SCAPER: variants seen among roughly 807,000 people sequenced by gnomAD.
SCAPER encodes S-phase cyclin A associated protein in the ER.
Under a neutral mutation model 182.2 loss-of-function variants are expected in SCAPER, and 98 were observed. The ratio of observed to expected loss-of-function variants is 0.54; its 90% CI spans 0.46 to 0.64. The LOEUF (loss-of-function observed/expected upper bound fraction) is 0.64. SCAPER is among the 30% of genes least tolerant of loss of function. The probability of loss-of-function intolerance (pLI) is 0.00; values close to 1 mark genes in which losing one functional copy is unlikely to be tolerated. For missense variants in SCAPER, 1,432 were observed against 1,690.0 expected, an observed-to-expected ratio of 0.85 and a Z score of 2.68; for synonymous variants, 605 against 564.6, an observed-to-expected ratio of 1.07 and a Z score of -1.01.
intron 26 of SCAPER, among the ~76,000 whole-genome samples, chr15:76,426,420 A>G (rs1377792049): frequency 6.6e-6 from 1 of 152,182 alleles, no homozygotes; most frequent in Non-Finnish European, 1.5e-5. Flanking sequence ...GGTGCGGGAT[A>G]TAATCTCCTG....
intron 15 of SCAPER, 116 bp downstream of exon 15, chr15:76,753,692 C>T: frequency 8.5e-7 from 1 of 1,175,722 alleles, no homozygotes; most frequent in Non-Finnish European, 1.2e-6. Context: ...GTGTAAAATG[C>T]TGTTATTCTA....
chr15:76,730,288 T>C (rs993623406), intron 16 of SCAPER, among the ~76,000 whole-genome samples: 1 of 147,406 alleles, frequency 6.8e-6, no homozygotes, highest in Non-Finnish European at 1.5e-5. Context: ...TATTTCTTTC[T>C]TTTTTTTTTG....
At chr15:76,579,130 G>A (rs980264974) in intron 22 of SCAPER, among the ~76,000 whole-genome samples, 2 of 151,904 alleles carry the variant, frequency 1.3e-5, no homozygotes, top group South Asian at 2.1e-4. Flanking sequence ...GCTGGGCATG[G>A]TGGCGGGTGC....
chr15:76,581,573 A>G lies in SCAPER; in HGVS notation c.2712-7289T>C, dbSNP rs147373274. ...GGACAAAAACGATATAATCATTTCA[A>G]TTGATGCTGAAAAAGCATTTATTTT... On this transcript the variant is annotated intron_variant, in intron 22 of 31. Coordinates refer to ENST00000563290, the MANE Select transcript of SCAPER (RefSeq NM_020843.4). Among the ~76,000 whole-genome samples, 230 of 152,288 alleles carry G rather than the reference A, an allele frequency of 1.5e-3. 2 individuals are homozygous for G. The highest frequency in any genetic ancestry group is 5.0e-3 in the African/African-American group (209 of 41,572).
chr15:76,534,650 AT>A (rs1166108443), intron 23 of SCAPER, among the ~76,000 whole-genome samples: 5 of 152,154 alleles, frequency 3.3e-5, no homozygotes, highest in African/African-American at 1.2e-4. Context: ...CATTTCCTCT[AT>A]TCTATGGGAG....
At chr15:76,680,254 C>T (rs1180216113) in intron 20 of SCAPER, among the ~76,000 whole-genome samples, 1 of 151,850 alleles carries the variant, frequency 6.6e-6, no homozygotes, top group Non-Finnish European at 1.5e-5. Context: ...TGCAAATATA[C>T]AATACATAGG....
intron 23 of SCAPER, among the ~76,000 whole-genome samples, chr15:76,572,944 C>G (rs1402099231): frequency 1.3e-5 from 2 of 151,552 alleles, no homozygotes; most frequent in African/African-American, 4.8e-5. Flanking sequence ...CACACACACA[C>G]AGAGAAATGT....
intron 29 of SCAPER, among the ~76,000 whole-genome samples, chr15:76,362,173 A>G (rs2041470648): frequency 6.6e-6 from 1 of 151,992 alleles, no homozygotes; most frequent in Admixed American, 6.6e-5. Context: ...GGGTTTCACC[A>G]TGTTGGCCAG....
In SCAPER at chr15:76,887,970, AGCAATATTTGCTGTTCT is replaced by A. The variant is rs1167460424; in HGVS notation, c.-59-4111_-59-4095del. Reference sequence around the variant, plus strand: ...CAAAGCTTCCAGAGGAGGGTCAGGCAGCAATATTTGCTGTTCTGCAATATTTGCTGTTCTGCAGCCTC... The same window carrying A: ...CAAAGCTTCCAGAGGAGGGTCAGGCAGCAATATTTGCTGTTCTGCAGCCTC... On this transcript the variant is annotated intron_variant, in intron 1 of 31. Transcript: ENST00000563290. 3.3e-5 allele frequency among the ~76,000 whole-genome samples: 5 copies of A among 152,346 alleles called. No homozygotes were observed. In the East Asian group the frequency reaches 7.7e-4, roughly 24 times the overall value.
chr15:76,352,224 C>T (rs2040603430), intron 30 of SCAPER, among the ~76,000 whole-genome samples: 1 of 152,176 alleles, frequency 6.6e-6, no homozygotes, highest in South Asian at 2.1e-4. Flanking sequence ...CTTTTCTCCA[C>T]AGCACTTATT....
chr15:76,381,959 G>C lies in SCAPER; in HGVS notation c.3468-344C>G, dbSNP rs144797564. Among the ~76,000 whole-genome samples the C allele has an allele frequency of 4.7e-3, 723 of 152,236 alleles. 7 individuals carry two copies. The highest frequency in any genetic ancestry group is 0.017 in the African/African-American group (697 of 41,522). Reference sequence around the variant, plus strand: ...GTTGACAGAGTCTGTGAAAGCTTTTGGGACTCAGAGGCCAAAAACACTCCT... The same window carrying C: ...GTTGACAGAGTCTGTGAAAGCTTTTCGGACTCAGAGGCCAAAAACACTCCT... On this transcript the variant is annotated intron_variant, in intron 27 of 31. Coordinates refer to ENST00000563290, the MANE Select transcript of SCAPER (RefSeq NM_020843.4).
intron 21 of SCAPER, among the ~76,000 whole-genome samples, chr15:76,651,639 A>C (rs2055050654): frequency 6.6e-6 from 1 of 151,756 alleles, no homozygotes; most frequent in South Asian, 2.1e-4. Flanking sequence ...CAAAAAAAAA[A>C]AAAAAAACCC....
At chr15:76,565,898 T>C (rs1334404935) in intron 23 of SCAPER, among the ~76,000 whole-genome samples, 1 of 152,160 alleles carries the variant, frequency 6.6e-6, no homozygotes, top group African/African-American at 2.4e-5. Context: ...TCATACCAGC[T>C]ATATTCAGTT....
intron 4 of SCAPER, chr15:76,855,948 C>A: frequency 3.0e-6 from 1 of 338,606 alleles, no homozygotes. Flanking sequence ...ATAAATCATT[C>A]TACCATAAAG....
chr15:76,798,175 C>T (rs2065468755), intron 7 of SCAPER, among the ~76,000 whole-genome samples: 1 of 152,000 alleles, frequency 6.6e-6, no homozygotes, highest in Non-Finnish European at 1.5e-5. Flanking sequence ...GCCTAGCCAA[C>T]ATGGCAAAAC....
intron 21 of SCAPER, among the ~76,000 whole-genome samples, chr15:76,664,688 GT>G (rs1273291808): frequency 6.6e-6 from 1 of 152,094 alleles, no homozygotes; most frequent in African/African-American, 2.4e-5. Flanking sequence ...AGGTCTGCAA[GT>G]TCTCAGGATA....
rs989565018 is a variant in SCAPER, at chr15:76,771,815, T to C, written c.1175A>G (p.Gln392Arg). 2.5e-6 allele frequency: 4 copies of C among 1,613,248 alleles called. No individual in the cohort carries two copies. The highest frequency in any genetic ancestry group is 3.4e-6 in the Non-Finnish European group (4 of 1,179,424). The change falls in exon 10 of 32, where the codon CAA becomes CGA. Residue 392 changes from glutamine to arginine, a missense_variant. Physicochemically the swap from Gln to Arg is conservative, Grantham distance 43. Transcript: ENST00000563290. ...VMLQAGTPPL[Q>R]VNEEKFPAEK... ...TGCTGGAAATTTTTCTTCATTTACTTGTAAAGGAGGTGTACCAGCTTGCAG... is the reference window on the plus strand; with the variant it reads ...TGCTGGAAATTTTTCTTCATTTACTCGTAAAGGAGGTGTACCAGCTTGCAG...
chr15:76,800,368 C>T lies in SCAPER; in HGVS notation c.495-4G>A, dbSNP rs372335074. On this transcript the variant is annotated splice_region_variant and splice_polypyrimidine_tract_variant and intron_variant, in intron 6 of 31. Coordinates refer to ENST00000563290, the MANE Select transcript of SCAPER (RefSeq NM_020843.4). ...TTCCCATGCCAATGATGTTGGTCTG[C>T]GAATTCAATATATAAACCAGATTAA... 3.6e-5 allele frequency: 56 copies of T among 1,554,808 alleles called. No homozygotes were observed. The Admixed American group carries it at 4.9e-4, about 14-fold the overall frequency.
chr15:76,407,790 T>G (rs1000369506), intron 26 of SCAPER, among the ~76,000 whole-genome samples: 2 of 152,202 alleles, frequency 1.3e-5, no homozygotes, highest in South Asian at 4.1e-4. Context: ...TTAAGCATTA[T>G]ATTTTAAATC....
Sources: gnomAD v4.1 joint callset for allele counts (sites outside exome capture counted in the v4.1 genomes callset) on GRCh38, gnomAD v4.1.1 for gene constraint, MANE v1.5 for transcripts, NCBI Gene and HGNC (gene_info 2026-07-23, HGNC 2026-07-21) for gene names.